AGBL4: variants seen among roughly 807,000 people sequenced by gnomAD.
AGBL4 encodes the protein cytosolic carboxypeptidase 6.
A neutral mutation model predicts 66.4 loss-of-function variants in AGBL4; 58 were observed. The ratio of observed to expected loss-of-function variants is 0.87; its 90% confidence interval spans 0.71 to 1.09. The LOEUF (loss-of-function observed/expected upper bound fraction) is 1.09. Ranked by LOEUF, AGBL4 falls within the 50% of genes least tolerant of loss-of-function variation. AGBL4 has a pLI of 0.00. For synonymous variants in AGBL4, 234 were observed against 222.9 expected (o/e 1.05, Z -0.44); for missense variants, 579 against 631.0 (o/e 0.92, Z 0.88).
At chr1:48,800,615 A>T (rs569590900) in intron 6 of AGBL4, among the ~76,000 whole-genome samples, 1 of 152,062 alleles carries the variant, frequency 6.6e-6, no homozygotes, top group African/African-American at 2.4e-5. Context: ...AGACTTTTTG[A>T]TGTGGGCATT....
intron 6 of AGBL4, among the ~76,000 whole-genome samples, chr1:48,697,486 G>A (rs895773017): frequency 7.9e-5 from 12 of 152,228 alleles, no homozygotes; most frequent in African/African-American, 2.7e-4. Context: ...GTGAGGCTGA[G>A]AGAAGTGTGG....
chr1:49,709,918 A>C (rs1558182406), intron 2 of AGBL4, among the ~76,000 whole-genome samples: 2 of 151,840 alleles, frequency 1.3e-5, no homozygotes, highest in Non-Finnish European at 2.9e-5. Context: ...TTAGAATGGC[A>C]ATCATTAAAA....
chr1:48,820,205 C>T (rs1044190640), intron 6 of AGBL4, among the ~76,000 whole-genome samples: 1 of 152,148 alleles, frequency 6.6e-6, no homozygotes, highest in African/African-American at 2.4e-5. Flanking sequence ...TGAGTACTGT[C>T]TGGGCCCTGG....
intron 4 of AGBL4, among the ~76,000 whole-genome samples, chr1:49,049,835 AAATAAT>A (rs201810134): frequency 6.6e-6 from 1 of 151,982 alleles, no homozygotes; most frequent in Non-Finnish European, 1.5e-5. Context: ...TGGAAAAATA[AAATAAT>A]AATAATAATT....
intron 3 of AGBL4, among the ~76,000 whole-genome samples, chr1:49,524,168 C>A (rs964703034): frequency 1.3e-5 from 2 of 152,046 alleles, no homozygotes. Flanking sequence ...GTTTGATATT[C>A]TAAGCACACA....
intron 5 of AGBL4, among the ~76,000 whole-genome samples, chr1:49,030,776 TA>T (rs1361911056): frequency 7.0e-6 from 1 of 143,540 alleles, no homozygotes; most frequent in Non-Finnish European, 1.5e-5. Context: ...TTAAGCCACC[TA>T]GTCTATGGTA....
chr1:48,673,768 G>T (rs1646315178), intron 6 of AGBL4, among the ~76,000 whole-genome samples: 1 of 152,230 alleles, frequency 6.6e-6, no homozygotes, highest in Non-Finnish European at 1.5e-5. Flanking sequence ...TCAGTCATGA[G>T]GGAGAAATAA....
intron 3 of AGBL4, among the ~76,000 whole-genome samples, chr1:49,464,947 G>A (rs2148704127): frequency 6.6e-6 from 1 of 151,648 alleles, no homozygotes; most frequent in African/African-American, 2.4e-5. Flanking sequence ...TCAAGACCAG[G>A]TACTGGATAG....
intron 3 of AGBL4, among the ~76,000 whole-genome samples, chr1:49,263,114 A>G (rs1557781204): frequency 2.0e-5 from 3 of 148,044 alleles, no homozygotes; most frequent in South Asian, 4.5e-4. Flanking sequence ...ATGAGAACAC[A>G]TGGACACAGG....
intron 6 of AGBL4, among the ~76,000 whole-genome samples, chr1:48,705,731 A>G (rs971509922): frequency 4.6e-5 from 7 of 152,330 alleles, no homozygotes; most frequent in Middle Eastern, 3.4e-3. Flanking sequence ...TTTTAGGCAC[A>G]CCCAATTAAA....
intron 1 of AGBL4, among the ~76,000 whole-genome samples, chr1:49,956,926 A>C (rs951895179): frequency 1.3e-5 from 2 of 151,980 alleles, no homozygotes; most frequent in African/African-American, 4.8e-5. Context: ...GATTGTGGAG[A>C]GCTTTGGATG....
intron 3 of AGBL4, among the ~76,000 whole-genome samples, chr1:49,631,222 C>A (rs114384133): frequency 2.6e-5 from 4 of 152,162 alleles, no homozygotes; most frequent in Admixed American, 2.0e-4. Flanking sequence ...CTACTTTGTA[C>A]GGGCATTTAA....
chr1:49,785,120 G>C (rs1306743956), intron 2 of AGBL4, among the ~76,000 whole-genome samples: 2 of 151,992 alleles, frequency 1.3e-5, no homozygotes, highest in East Asian at 3.9e-4. Flanking sequence ...GACTCTAAAA[G>C]ACTAGAATTT....
intron 6 of AGBL4, among the ~76,000 whole-genome samples, chr1:48,704,852 G>C (rs1030799196): frequency 6.6e-6 from 1 of 152,216 alleles, no homozygotes; most frequent in African/African-American, 2.4e-5. Context: ...AGTGTAGGAA[G>C]TACATAAGCC....
chr1:49,797,740 G>A (rs1644764634), intron 2 of AGBL4, among the ~76,000 whole-genome samples: 1 of 151,988 alleles, frequency 6.6e-6, no homozygotes, highest in African/African-American at 2.4e-5. Flanking sequence ...TCACTGCGCA[G>A]CACAGCCTTA....
rs539210593 is a variant in AGBL4 at position 49,846,253 on chromosome 1, T to C, written c.157+5143A>G. The stretch of plus-strand genomic sequence containing the variant: ...GGGAAAAGCCTTATGAGTGTCACGA[T>C]TGTGGAAAGTCCTTTAGGCAGAGCA... On this transcript the variant is annotated intron_variant, in intron 2 of 13. Transcript: ENST00000371839. 140 of 1,463,268 alleles carry C rather than the reference T, an allele frequency of 9.6e-5. 1 individual carries two copies. In the South Asian group the frequency reaches 1.4e-3, roughly 15 times the overall value. The allele number at this position is 1,463,268 out of a possible 1,614,324, so 90.6% of individuals were successfully genotyped here. A position where few individuals can be genotyped will look rare whatever the true frequency, so the allele number is the denominator to read the frequency against.
chr1:49,386,928 T>C (rs1208383542), intron 3 of AGBL4, among the ~76,000 whole-genome samples: 2 of 151,974 alleles, frequency 1.3e-5, no homozygotes, highest in East Asian at 3.8e-4. Context: ...TAATAATATC[T>C]ATCTCATGAG....
At chr1:48,984,894 T>C (rs184641408) in intron 5 of AGBL4, among the ~76,000 whole-genome samples, 2 of 152,076 alleles carry the variant, frequency 1.3e-5, no homozygotes, top group East Asian at 3.9e-4. Flanking sequence ...CAAGATCATA[T>C]ATGCAGAATT....
intron 6 of AGBL4, among the ~76,000 whole-genome samples, chr1:48,697,783 G>C (rs921838767): frequency 6.6e-6 from 1 of 152,206 alleles, no homozygotes; most frequent in Non-Finnish European, 1.5e-5. Context: ...AACCTCTCTA[G>C]ATCTGGAGCC....
Sources: gnomAD v4.1 joint callset for allele counts (sites outside exome capture counted in the v4.1 genomes callset) on GRCh38, gnomAD v4.1.1 for gene constraint, MANE v1.5 for transcripts, NCBI Gene and HGNC (gene_info 2026-07-23, HGNC 2026-07-21) for gene names.